Variants in DMD observed in about 807,000 individuals in gnomAD.
DMD encodes mutant dystrophin.
In DMD, 63 loss-of-function variants were observed where a neutral mutation model predicts 330.1. The ratio of observed to expected loss-of-function variants is 0.19; its 90% CI spans 0.16 to 0.24. DMD has a LOEUF of 0.24. Among genes scored for constraint, DMD ranks in the 10% least tolerant of loss-of-function variants. DMD has a pLI of 1.00. For missense variants in DMD, 3,344 were observed against 2,684.1 expected, an observed-to-expected ratio of 1.25 and a Z score of -5.43; for synonymous variants, 1,223 against 959.8, an observed-to-expected ratio of 1.27 and a Z score of -5.07.
chrX:31,216,801 T>C (rs975428669), intron 64 of DMD, among the ~76,000 whole-genome samples: 4 of 111,726 alleles, frequency 3.6e-5, no homozygotes, highest in African/African-American at 1.3e-4. Context: ...GAGAAGGCGG[T>C]GCATTTTTCA....
chrX:33,022,622 T>C (rs1299659608), intron 1 of DMD, among the ~76,000 whole-genome samples: 1 of 110,962 alleles, frequency 9.0e-6, no homozygotes, highest in Non-Finnish European at 1.9e-5. Flanking sequence ...ATAAGTTTGT[T>C]TTAATTATGT....
intron 1 of DMD, among the ~76,000 whole-genome samples, chrX:33,136,017 G>T (rs1243200082): frequency 9.0e-6 from 1 of 110,870 alleles, no homozygotes; most frequent in Non-Finnish European, 1.9e-5. Context: ...ATATTATTTT[G>T]TATTATAAAA....
chrX:33,150,305 T>C (rs1240224195), intron 1 of DMD, among the ~76,000 whole-genome samples: 2 of 103,863 alleles, frequency 1.9e-5, no homozygotes, highest in African/African-American at 3.5e-5. Context: ...TTTTTTTTTT[T>C]TTTTTTTGAG....
intron 57 of DMD, among the ~76,000 whole-genome samples, chrX:31,488,488 C>G (rs1035023910): frequency 2.2e-4 from 25 of 111,618 alleles, no homozygotes; most frequent in African/African-American, 7.5e-4. Flanking sequence ...AAATGGAACC[C>G]TGGTTCATTC....
chrX:33,248,069 C>T (rs957639450), intron 1 of DMD, among the ~76,000 whole-genome samples: 2 of 110,711 alleles, frequency 1.8e-5, no homozygotes, highest in African/African-American at 3.3e-5. Flanking sequence ...TGAGATGGAG[C>T]CTCGCTCTGT....
chrX:32,651,255 G>A lies in DMD; in HGVS notation c.961-6103C>T, dbSNP rs5972634. Among the ~76,000 whole-genome samples, 7,268 of 108,969 alleles carry A rather than the reference G, an allele frequency of 0.067. 612 individuals carry two copies. The highest frequency in any genetic ancestry group is 0.23 in the African/African-American group (6,898 of 29,604). 94.6% of individuals were successfully genotyped at this position (108,969 alleles called of 115,157 possible). ...CCTTCTGGGTTCAAGCCATTCTCCT[G>A]CCTCAGCCTCCCGAGTAGCTGGGAT... is the stretch of plus-strand genomic sequence containing the variant. On this transcript the variant is annotated intron_variant, in intron 9 of 78. Transcript: ENST00000357033.
chrX:32,165,406 C>T (rs756930385), intron 44 of DMD, among the ~76,000 whole-genome samples: 21 of 112,516 alleles, frequency 1.9e-4, no homozygotes, highest in Non-Finnish European at 3.0e-4. Flanking sequence ...ATTTGACTGC[C>T]CTGATAGATT....
intron 61 of DMD, among the ~76,000 whole-genome samples, chrX:31,338,831 T>G (rs149436420): frequency 0.012 from 1,348 of 109,190 alleles, 14 homozygotes; most frequent in African/African-American, 0.042. Flanking sequence ...ACATAAATAT[T>G]TGGATCCTGA....
chrX:32,921,805 G>T (rs1422271092), intron 2 of DMD, among the ~76,000 whole-genome samples: 2 of 111,385 alleles, frequency 1.8e-5, no homozygotes, highest in Non-Finnish European at 3.8e-5. Context: ...ATAATTATAA[G>T]CATATTCATC....
chrX:32,858,607 C>T (rs779089731), intron 2 of DMD, among the ~76,000 whole-genome samples: 2 of 111,806 alleles, frequency 1.8e-5, no homozygotes, highest in East Asian at 5.6e-4. Flanking sequence ...GGATTACAGG[C>T]ATGAGCCATC....
At chrX:32,715,938 A>G (rs1170528686) in intron 7 of DMD, among the ~76,000 whole-genome samples, 1 of 111,890 alleles carries the variant, frequency 8.9e-6, no homozygotes, top group Non-Finnish European at 1.9e-5. Context: ...ACAAAAAGTA[A>G]CTATGCTGAG....
intron 31 of DMD, 146 bp downstream of exon 31, chrX:32,389,925 G>T: frequency 1.8e-6 from 1 of 544,011 alleles, no homozygotes; most frequent in Non-Finnish European, 3.1e-6. Context: ...AATGTAGAGA[G>T]CAAAACACTC....
At chrX:31,285,235 T>C (rs913375148) in intron 62 of DMD, among the ~76,000 whole-genome samples, 1 of 111,795 alleles carries the variant, frequency 8.9e-6, no homozygotes, top group Non-Finnish European at 1.9e-5. Context: ...AGAGGGCCAT[T>C]GGAGAAGAAC....
At chrX:31,467,719 A>G (rs1214636509) in intron 59 of DMD, among the ~76,000 whole-genome samples, 2 of 111,602 alleles carry the variant, frequency 1.8e-5, no homozygotes, top group Non-Finnish European at 3.8e-5. Flanking sequence ...CCTATTGTTT[A>G]GAATAGTTTC....
intron 52 of DMD, among the ~76,000 whole-genome samples, chrX:31,702,624 C>A (rs1016194828): frequency 1.8e-5 from 2 of 111,187 alleles, no homozygotes; most frequent in Non-Finnish European, 1.9e-5. Flanking sequence ...TCTAGTTCAG[C>A]GGAACACAAC....
At chrX:32,546,019 G>A (rs1177880508) in intron 16 of DMD, among the ~76,000 whole-genome samples, 1 of 107,578 alleles carries the variant, frequency 9.3e-6, no homozygotes, top group Non-Finnish European at 1.9e-5. Context: ...ATTCATCACT[G>A]GAGACACTTC....
At chrX:31,341,869 G>A (rs1041332588) in intron 61 of DMD, among the ~76,000 whole-genome samples, 3 of 81,722 alleles carry the variant, frequency 3.7e-5, no homozygotes, top group Admixed American at 1.3e-4. Context: ...GTGATCTGGC[G>A]TGCGCGCGTG....
intron 1 of DMD, among the ~76,000 whole-genome samples, chrX:33,150,329 C>T (rs1294226168): frequency 2.2e-5 from 2 of 91,772 alleles, no homozygotes; most frequent in African/African-American, 8.4e-5. Flanking sequence ...GAGTCTCACT[C>T]TGTTGCCCAG....
At chrX:32,130,611 C>T (rs1213022795) in intron 44 of DMD, among the ~76,000 whole-genome samples, 1 of 99,470 alleles carries the variant, frequency 1.0e-5, no homozygotes, top group Non-Finnish European at 2.1e-5. Context: ...CCCTTCATCT[C>T]CTGGCACTTA....
Sources: allele counts gnomAD v4.1 joint callset (sites outside exome capture counted in the v4.1 genomes callset), GRCh38; gene constraint gnomAD v4.1.1; transcripts MANE v1.5; gene names NCBI Gene and HGNC (gene_info 2026-07-23, HGNC 2026-07-21).